Variants in MYO15A observed in about 807,000 individuals in gnomAD.
The protein encoded by MYO15A is unconventional myosin-XV.
In MYO15A, 308 loss-of-function variants were observed where a neutral mutation model predicts 394.6. The observed-to-expected ratio is 0.78, with a 90% CI of 0.71 to 0.86. The LOEUF is 0.86. Ranked by LOEUF, MYO15A falls within the 40% of genes least tolerant of loss-of-function variation. MYO15A has a pLI of 0.00. For missense variants in MYO15A, 4,606 were observed against 4,799.1 expected (o/e 0.96, Z 1.19); for synonymous variants, 1,957 against 2,003.8 (o/e 0.98, Z 0.62).
Position 18,143,582 on chromosome 17 carries a change from G to A in MYO15A, c.5927G>A (p.Arg1976Lys), listed in dbSNP as rs986738108. 6.4e-7 allele frequency: 1 copy of A among 1,561,432 alleles called. No homozygotes were observed. The part of the protein sequence containing the change: ...RRYLKLRAEW[R>K]CQVEGALLWE... ...CTTCTGAAGCTGAGGGCAGAGTGGAGGTGCCAGGTGGAGGGGGCGCTGCTG... is the reference window on the plus strand; with the variant it reads ...CTTCTGAAGCTGAGGGCAGAGTGGAAGTGCCAGGTGGAGGGGGCGCTGCTG... Residue 1976 changes from arginine (R) to lysine (K), a missense_variant, in exon 26 of 66, where the codon AGG becomes AAG. Transcript: ENST00000647165.
chr17:18,119,542 C>T lies in MYO15A; in HGVS notation c.742C>T (p.Arg248Trp). The T allele has an allele frequency of 1.2e-6, 2 of 1,608,904 alleles. No individual in the cohort carries two copies. The highest frequency in any genetic ancestry group is 1.1e-5 in the South Asian group (1 of 91,078). Residue 248 changes from arginine (R) to tryptophan (W), a missense_variant, in exon 2 of 66, where the codon CGG becomes TGG. Arg to Trp is a moderately radical substitution (Grantham distance 101). This residue lies in a region of MYO15A where 1,830 missense variants were observed against 1,689.7 expected (regional missense o/e 1.08). Transcript: ENST00000647165. Reference sequence around the variant, plus strand: ...CCGCGACGGCGACGACTACTACGACCGGCAGTCACTCCACCGCTACGAGGA... The same window carrying T: ...CCGCGACGGCGACGACTACTACGACTGGCAGTCACTCCACCGCTACGAGGA... ...YHRDGDDYYD[R>W]QSLHRYEEQE...
intron 1 of MYO15A, among the ~76,000 whole-genome samples, chr17:18,113,835 C>CACACACACACAA (rs1340766492): frequency 4.5e-4 from 60 of 133,850 alleles, no homozygotes; most frequent in African/African-American, 1.5e-3. Flanking sequence ...CACACACACA[C>CACACACACACAA]ACACACTCTT....
intron 57 of MYO15A, among the ~76,000 whole-genome samples, 200 bp downstream of exon 57, chr17:18,161,647 G>C (rs79066779): frequency 0.012 from 1,788 of 152,328 alleles, 14 homozygotes; most frequent in South Asian, 0.026. Context: ...TAATGGAGGG[G>C]GTGGTCAGGG....
At chr17:18,145,786 G>A in intron 29 of MYO15A, 86 bp from the exon 30 acceptor site, 2 of 1,141,782 alleles carry the variant, frequency 1.8e-6, no homozygotes, top group Non-Finnish European at 1.3e-6. Flanking sequence ...ACACATGGGA[G>A]GGACATGAGA....
In MYO15A at chr17:18,119,949, C is replaced by A. The variant is rs746937331; in HGVS notation, c.1149C>A (p.Gly383=). 1 of 1,613,714 alleles carries A rather than the reference C, an allele frequency of 6.2e-7. No homozygotes were observed. The highest frequency in any genetic ancestry group is 2.2e-5 in the East Asian group (1 of 44,870). ...ACTACACCGTCCCCTATGCCGAAGG[C>A]GTCTATGGCGGTGGGGACGAGGCCA... The part of the protein sequence containing the change: ...GVHYTVPYAE[G]VYGGGDEAIY... The change falls in exon 2 of 66, where the codon GGC becomes GGA. Residue 383 remains glycine (G), a synonymous_variant. Coordinates refer to ENST00000647165, the MANE Select transcript of MYO15A (RefSeq NM_016239.4).
chr17:18,168,153 A>T (rs2046882975), intron 62 of MYO15A, among the ~76,000 whole-genome samples: 1 of 152,216 alleles, frequency 6.6e-6, no homozygotes, highest in South Asian at 2.1e-4. Context: ...GCCTTTATTT[A>T]CTTATGTATT....
chr17:18,157,741 C>T lies in MYO15A; in HGVS notation c.8808C>T (p.Ile2936=), dbSNP rs1476705702. Reference sequence around the variant, plus strand: ...CCCTAGGCTGGAGGTTCGGGACCATCCACGGGCGCGTGGGCCGCTTCCCTT... The same window carrying T: ...CCCTAGGCTGGAGGTTCGGGACCATTCACGGGCGCGTGGGCCGCTTCCCTT... The part of the protein sequence containing the change: ...GPDFGWRFGT[I]HGRVGRFPSE... Residue 2936 remains isoleucine, a synonymous_variant, in exon 51 of 66, where the codon ATC becomes ATT. Coordinates refer to ENST00000647165, the MANE Select transcript of MYO15A (RefSeq NM_016239.4). The T allele has an allele frequency of 1.2e-6, 2 of 1,606,456 alleles. No homozygotes were observed. The highest frequency in any genetic ancestry group is 8.5e-7 in the Non-Finnish European group (1 of 1,179,876).
chr17:18,170,795 A>C (rs1283772322), intron 62 of MYO15A, among the ~76,000 whole-genome samples: 1 of 152,238 alleles, frequency 6.6e-6, no homozygotes, highest in South Asian at 2.1e-4. Flanking sequence ...CTGCATCTGC[A>C]TTATCTCAGC....
Position 18,120,440 on chromosome 17 carries a change from C to T in MYO15A, c.1640C>T (p.Ser547Leu), listed in dbSNP as rs780435999. The change falls in exon 2 of 66, where the codon TCG (serine) becomes TTG (leucine). Residue 547 changes from serine (S) to leucine (L), a missense_variant. By Grantham distance (145) the Ser-to-Leu change is moderately radical. Transcript: ENST00000647165. ...PRQRNLQRALSAFGAHRGLGF... is the reference protein window; with the variant it reads ...PRQRNLQRALLAFGAHRGLGF... ...CAGCGCAACCTCCAGCGCGCGCTGT[C>T]GGCCTTCGGCGCCCACCGGGGCCTG... 15 of 1,583,132 alleles carry T rather than the reference C, an allele frequency of 9.5e-6. No individual in the cohort carries two copies. Among genetic ancestry groups the T allele is most frequent in the Non-Finnish European group, 6.0e-6 (7 of 1,167,332 alleles).
rs145156327 is a variant in MYO15A, at chr17:18,131,639, C to T, written c.4206+108C>T. The stretch of plus-strand genomic sequence containing the variant: ...GCTAGGTAGACGTCAAATTAATGAA[C>T]GAATACATGCGTACATGTGTACATG... On this transcript the variant is annotated intron_variant, in intron 10 of 65. Coordinates refer to ENST00000647165, the MANE Select transcript of MYO15A (RefSeq NM_016239.4). The T allele has an allele frequency of 2.3e-5, 30 of 1,291,792 alleles. 1 individual carries two copies. Among genetic ancestry groups the T allele is most frequent in the South Asian group, 1.2e-4 (10 of 80,120 alleles). The allele number at this position is 1,291,792 out of a possible 1,614,324, so 80.0% of individuals were successfully genotyped here.
Position 18,148,221 on chromosome 17 carries a change from T to C in MYO15A, c.6691+11T>C. On this transcript the variant is annotated intron_variant, in intron 31 of 65. Transcript: ENST00000647165. This position sits in a 1 kb window ranked among gnomAD's most constrained non-coding sequence, Gnocchi z 4.8. ...TGGGCTGCTTCAATGGTAAGCTGCCTTCCCCCACCTCAGTGAGGGCAGTGG... is the reference window on the plus strand; with the variant it reads ...TGGGCTGCTTCAATGGTAAGCTGCCCTCCCCCACCTCAGTGAGGGCAGTGG... The C allele has an allele frequency of 6.2e-7, 1 of 1,613,346 alleles. No homozygotes were observed. The highest frequency in any genetic ancestry group is 8.5e-7 in the Non-Finnish European group (1 of 1,179,990).
intron 23 of MYO15A, 76 bp from the exon 24 acceptor site, chr17:18,142,003 G>T: frequency 6.4e-7 from 1 of 1,563,892 alleles, no homozygotes. Flanking sequence ...TGTCTCCACG[G>T]ACTTCTAGAG....
In MYO15A at chr17:18,153,742, T is replaced by C. The variant is rs79197159; in HGVS notation, c.7967-33T>C. The C allele has an allele frequency of 9.6e-4, 1,547 of 1,611,092 alleles. 15 individuals carry two copies. In the African/African-American group the frequency reaches 0.018, roughly 19 times the overall value. On this transcript the variant is annotated intron_variant, in intron 42 of 65. Transcript: ENST00000647165. The surrounding 1 kb of genome is among the most constrained non-coding windows in gnomAD (Gnocchi z 4.1). Reference sequence around the variant, plus strand: ...TAATTAAATAAAAAAACGAGGTGCCTTCTCCTGACTCCCTGATCCCCGCGC... The same window carrying C: ...TAATTAAATAAAAAAACGAGGTGCCCTCTCCTGACTCCCTGATCCCCGCGC...
chr17:18,124,710 T>C (rs2046001431), intron 3 of MYO15A, 145 bp downstream of exon 3: 3 of 775,286 alleles, frequency 3.9e-6, no homozygotes, highest in South Asian at 1.7e-5. Flanking sequence ...AGACTAAATG[T>C]GGTGTGCTTT....
In MYO15A at chr17:18,119,490, G is replaced by A. The variant is rs1210742573; in HGVS notation, c.690G>A (p.Gln230=). 6 of 1,612,496 alleles carry A rather than the reference G, an allele frequency of 3.7e-6. No individual in the cohort carries two copies. Among genetic ancestry groups the A allele is most frequent in the East Asian group, 2.2e-5 (1 of 44,882 alleles). ...CGCTGTACGGGCTTGAGGGCTTCCA[G>A]GACCTGGGCGAGTATTATGACTATC... ...RKSLYGLEGF[Q]DLGEYYDYHR... The change falls in exon 2 of 66, where the codon CAG becomes CAA. Residue 230 remains glutamine (Q), a synonymous_variant. Coordinates refer to ENST00000647165, the MANE Select transcript of MYO15A (RefSeq NM_016239.4).
chr17:18,169,219 C>T (rs1200453889), intron 62 of MYO15A, among the ~76,000 whole-genome samples: 7 of 150,718 alleles, frequency 4.6e-5, no homozygotes, highest in East Asian at 2.0e-4. Context: ...GGTCGAGGTG[C>T]GTGGATCACC....
At chr17:18,144,422 G>T in intron 28 of MYO15A, 75 bp from the exon 29 acceptor site, 1 of 1,339,188 alleles carries the variant, frequency 7.5e-7, no homozygotes, top group South Asian at 1.2e-5. Flanking sequence ...GGAGCCCCAT[G>T]TGGCACAGAG....
chr17:18,121,838 AAGAAG>A lies in MYO15A; in HGVS notation c.3041_3045del (p.Glu1014GlyfsTer54). 1 of 1,612,806 alleles carries A rather than the reference AAGAAG, an allele frequency of 6.2e-7. No individual in the cohort carries two copies. The highest frequency in any genetic ancestry group is 8.5e-7 in the Non-Finnish European group (1 of 1,179,908). On this transcript the variant is annotated frameshift_variant, in exon 2 of 66. Transcript: ENST00000647165. LOFTEE classifies it high-confidence loss of function. The surrounding 1 kb of genome is among the most constrained non-coding windows in gnomAD (Gnocchi z 5.3). Reference sequence around the variant, plus strand: ...GCTGGCCCAACCCCTGAGAAGCCTGAAGAAGAGGCCACCCTGGGGGACCCCCAGCT... The same window carrying A: ...GCTGGCCCAACCCCTGAGAAGCCTGAAGGCCACCCTGGGGGACCCCCAGCT...
chr17:18,141,936 C>T (rs372012207), intron 23 of MYO15A, 143 bp from the exon 24 acceptor site: 2 of 1,229,428 alleles, frequency 1.6e-6, no homozygotes, highest in East Asian at 2.3e-5. Flanking sequence ...TCTCTTCAAC[C>T]TCTCCAAGTC....
Sources: allele counts gnomAD v4.1 joint callset (sites outside exome capture counted in the v4.1 genomes callset), GRCh38; gene constraint gnomAD v4.1.1; regional missense constraint gnomAD v4.1.1; non-coding constraint Gnocchi (gnomAD v3.1); transcripts MANE v1.5; gene names NCBI Gene and HGNC (gene_info 2026-07-23, HGNC 2026-07-21).